Variants in ETV6 observed in about 807,000 individuals in gnomAD.
ETV6 encodes the protein ETS variant transcription factor 6.
Under a neutral mutation model 51.1 loss-of-function variants are expected in ETV6, and 16 were observed. That is an observed-to-expected ratio of 0.31 (90% CI 0.21 to 0.48). The LOEUF (loss-of-function observed/expected upper bound fraction) is 0.48, where lower values mean the gene tolerates loss of function less well. Among genes scored for constraint, ETV6 ranks in the 20% least tolerant of loss-of-function variants. ETV6 has a pLI of 0.99. For missense variants in ETV6, 458 were observed against 594.8 expected (o/e 0.77, Z 2.39); for synonymous variants, 240 against 224.1 (o/e 1.07, Z -0.64).
Position 11,650,118 on chromosome 12 carries a change from G to A in ETV6, c.-10G>A. The A allele has an allele frequency of 1.2e-6, 2 of 1,613,410 alleles. No individual in the cohort carries two copies. Among genetic ancestry groups the A allele is most frequent in the African/African-American group, 1.3e-5 (1 of 75,012 alleles). ...ACCTGAGAACTTCCTGATCTCTCTC[G>A]CTGTGAGACATGTCTGAGACTCCTG... is the stretch of plus-strand genomic sequence containing the variant. On this transcript the variant is annotated 5_prime_UTR_variant, in exon 1 of 8. Transcript: ENST00000396373.
At chr12:11,682,889 G>T (rs140813428) in intron 1 of ETV6, among the ~76,000 whole-genome samples, 1 of 152,106 alleles carries the variant, frequency 6.6e-6, no homozygotes. Context: ...GGTTCTAGTC[G>T]TGTGGTGTTA....
chr12:11,700,295 G>A (rs1482179519), intron 1 of ETV6, among the ~76,000 whole-genome samples: 1 of 152,160 alleles, frequency 6.6e-6, no homozygotes, highest in East Asian at 1.9e-4. Context: ...ATTGTGTAGT[G>A]GTGAAGTCTG....
chr12:11,673,260 G>T (rs1015478844), intron 1 of ETV6, among the ~76,000 whole-genome samples: 1 of 152,116 alleles, frequency 6.6e-6, no homozygotes, highest in Non-Finnish European at 1.5e-5. Context: ...GGGATTTGGC[G>T]GGGCAGGATG....
At chr12:11,711,588 A>ACATT (rs1865172869) in intron 1 of ETV6, among the ~76,000 whole-genome samples, 1 of 152,222 alleles carries the variant, frequency 6.6e-6, no homozygotes. Context: ...AGAAAAGAGA[A>ACATT]CATTGTGTGC....
At chr12:11,787,489 T>A (rs1195673024) in intron 2 of ETV6, among the ~76,000 whole-genome samples, 4 of 152,256 alleles carry the variant, frequency 2.6e-5, no homozygotes, top group African/African-American at 9.6e-5. Flanking sequence ...TTTACTTCTC[T>A]TTACTGTGGG....
chr12:11,740,734 C>T (rs150505764), intron 1 of ETV6, among the ~76,000 whole-genome samples: 6 of 152,218 alleles, frequency 3.9e-5, no homozygotes, highest in African/African-American at 1.2e-4. Flanking sequence ...TAAATAAATA[C>T]GCCGGGTTCT....
chr12:11,818,628 T>A (rs1946031461), intron 2 of ETV6, among the ~76,000 whole-genome samples: 1 of 152,150 alleles, frequency 6.6e-6, no homozygotes, highest in African/African-American at 2.4e-5. Flanking sequence ...GGTTTGGGTT[T>A]TATACCAGTT....
chr12:11,798,052 T>C (rs187691747), intron 2 of ETV6, among the ~76,000 whole-genome samples: 9 of 152,218 alleles, frequency 5.9e-5, no homozygotes, highest in Non-Finnish European at 1.0e-4. Flanking sequence ...AAGGAAAACT[T>C]ATCAACTATC....
chr12:11,777,991 G>A lies in ETV6; in HGVS notation c.163+25412G>A, dbSNP rs1169636316. On this transcript the variant is annotated intron_variant, in intron 2 of 7. Coordinates refer to ENST00000396373, the MANE Select transcript of ETV6 (RefSeq NM_001987.5). Reference sequence around the variant, plus strand: ...AGTGCATTCCCCCAGCACACAGCAGGACTCGGCTCACCCTGGATGGTTCTT... The same window carrying A: ...AGTGCATTCCCCCAGCACACAGCAGAACTCGGCTCACCCTGGATGGTTCTT... Among the ~76,000 whole-genome samples the A allele has an allele frequency of 3.9e-5, 6 of 152,150 alleles. No homozygotes were observed. In the East Asian group the frequency reaches 7.7e-4, roughly 20 times the overall value.
chr12:11,811,094 T>A (rs1042125055), intron 2 of ETV6, among the ~76,000 whole-genome samples: 1 of 152,134 alleles, frequency 6.6e-6, no homozygotes, highest in South Asian at 2.1e-4. Flanking sequence ...CTTTTCAGGG[T>A]TTTTCCCCCC....
chr12:11,813,964 G>A (rs1016580283), intron 2 of ETV6, among the ~76,000 whole-genome samples: 1 of 152,142 alleles, frequency 6.6e-6, no homozygotes, highest in African/African-American at 2.4e-5. Flanking sequence ...TTCTTACAAG[G>A]CATGAATTAT....
chr12:11,725,758 TA>T (rs1865476253), intron 1 of ETV6, among the ~76,000 whole-genome samples: 1 of 152,100 alleles, frequency 6.6e-6, no homozygotes, highest in Non-Finnish European at 1.5e-5. Context: ...AGCAGATTGC[TA>T]AAAAGAGCCT....
chr12:11,784,255 C>A (rs894389486), intron 2 of ETV6, among the ~76,000 whole-genome samples: 1 of 152,076 alleles, frequency 6.6e-6, no homozygotes, highest in Non-Finnish European at 1.5e-5. Flanking sequence ...CATGTTGAAA[C>A]CCCGTCTTCA....
At chr12:11,688,840 G>A (rs1186665404) in intron 1 of ETV6, among the ~76,000 whole-genome samples, 1 of 152,214 alleles carries the variant, frequency 6.6e-6, no homozygotes, top group Non-Finnish European at 1.5e-5. Context: ...CATATGTTTA[G>A]AGAGCAAGGT....
chr12:11,747,782 C>T (rs540952041), intron 1 of ETV6, among the ~76,000 whole-genome samples: 1 of 152,292 alleles, frequency 6.6e-6, no homozygotes, highest in South Asian at 2.1e-4. Flanking sequence ...GCTCAAATTT[C>T]AGCGTATTCA....
At chr12:11,839,704 AC>A (rs1565546333) in intron 3 of ETV6, among the ~76,000 whole-genome samples, 1 of 152,078 alleles carries the variant, frequency 6.6e-6, no homozygotes, top group Non-Finnish European at 1.5e-5. Flanking sequence ...ATGTGGCAAA[AC>A]CTCAACTCTA....
At chr12:11,732,648 C>A (rs1865623202) in intron 1 of ETV6, among the ~76,000 whole-genome samples, 1 of 152,068 alleles carries the variant, frequency 6.6e-6, no homozygotes, top group Admixed American at 6.5e-5. Flanking sequence ...TGGGGGCTTC[C>A]TTGGTGCTCC....
chr12:11,882,105 A>G (rs1016174018), intron 5 of ETV6, among the ~76,000 whole-genome samples: 1 of 152,242 alleles, frequency 6.6e-6, no homozygotes, highest in African/African-American at 2.4e-5. Flanking sequence ...CCAAAACACA[A>G]TGAGTGACAC....
intron 1 of ETV6, among the ~76,000 whole-genome samples, chr12:11,667,104 C>T (rs1246672105): frequency 6.6e-6 from 1 of 152,186 alleles, no homozygotes; most frequent in African/African-American, 2.4e-5. Context: ...AAGTTGTGCT[C>T]CCTCTTAAAC....
Sources: allele counts gnomAD v4.1 joint callset (sites outside exome capture counted in the v4.1 genomes callset), GRCh38; gene constraint gnomAD v4.1.1; transcripts MANE v1.5; gene names NCBI Gene and HGNC (gene_info 2026-07-23, HGNC 2026-07-21).